Variants in EXOC6 observed in about 807,000 individuals in gnomAD.
EXOC6 encodes exocyst complex component 6, also known as SEC15-like 1.
EXOC6 carries 60 observed loss-of-function variants against 112.5 expected under a neutral mutation model. The ratio of observed to expected loss-of-function variants is 0.53; its 90% CI spans 0.43 to 0.66. The LOEUF is 0.66. EXOC6 is among the 30% of genes least tolerant of loss of function. The pLI is 0.00. For synonymous variants in EXOC6, 295 were observed against 308.0 expected (o/e 0.96, Z 0.44); for missense variants, 855 against 957.1 (o/e 0.89, Z 1.41).
intron 19 of EXOC6, among the ~76,000 whole-genome samples, chr10:93,000,266 AT>A (rs1156461447): frequency 1.3e-5 from 2 of 152,158 alleles, no homozygotes; most frequent in East Asian, 3.9e-4. Context: ...TTACTGTTTG[AT>A]TAGACAAGTT....
At chr10:92,957,070 G>A (rs1473894638) in intron 17 of EXOC6, among the ~76,000 whole-genome samples, 1 of 152,090 alleles carries the variant, frequency 6.6e-6, no homozygotes, top group African/African-American at 2.4e-5. Flanking sequence ...TAATAAGTAT[G>A]ATAATATAGG....
At chr10:92,969,924 C>T (rs531531699) in intron 17 of EXOC6, among the ~76,000 whole-genome samples, 37 of 152,246 alleles carry the variant, frequency 2.4e-4, no homozygotes, top group Admixed American at 2.4e-3. Flanking sequence ...GAACTTCTGA[C>T]GTCAGGTGAT....
At chr10:93,008,028 C>T (rs1844074985) in intron 19 of EXOC6, among the ~76,000 whole-genome samples, 1 of 152,022 alleles carries the variant, frequency 6.6e-6, no homozygotes, top group Admixed American at 6.6e-5. Context: ...ACAAAATTAG[C>T]AGGGCCTGGT....
At chr10:93,053,306 G>T (rs1846389941) in intron 20 of EXOC6, among the ~76,000 whole-genome samples, 2 of 152,180 alleles carry the variant, frequency 1.3e-5, no homozygotes, top group Non-Finnish European at 2.9e-5. Context: ...ATAAAATCTG[G>T]CCTGGCATAA....
At chr10:92,945,898 A>T (rs1388479334) in intron 13 of EXOC6, among the ~76,000 whole-genome samples, 1 of 152,196 alleles carries the variant, frequency 6.6e-6, no homozygotes, top group Non-Finnish European at 1.5e-5. Flanking sequence ...GTGAAAGTAA[A>T]TACCAAAAAA....
At position 92,975,730 on chromosome 10, in the gene EXOC6, C is replaced by T. The variant is rs547037303; in HGVS notation, c.1953+1498C>T. ...CCTCTGCCCGGCCAGCCGCCCCGTC[C>T]GGGAGGGAGGTCGGGGGGCCAGCCC... On this transcript the variant is annotated intron_variant, in intron 18 of 21. Coordinates refer to ENST00000260762, the MANE Select transcript of EXOC6 (RefSeq NM_019053.6). Among the ~76,000 whole-genome samples the T allele has an allele frequency of 7.3e-3, 936 of 128,178 alleles. 22 individuals are homozygous for T. Among genetic ancestry groups the T allele is most frequent in the African/African-American group, 0.027 (895 of 33,552 alleles). The allele number at this position is 128,178 out of a possible 152,430, so 84.1% of individuals were successfully genotyped here.
chr10:92,915,346 G>T (rs1241441290), intron 6 of EXOC6, among the ~76,000 whole-genome samples: 1 of 151,422 alleles, frequency 6.6e-6, no homozygotes, highest in Admixed American at 6.6e-5. Context: ...TTTGGGACCA[G>T]CCTGGGCAAC....
chr10:92,877,511 T>C (rs1209036502), intron 1 of EXOC6, among the ~76,000 whole-genome samples: 1 of 152,150 alleles, frequency 6.6e-6, no homozygotes, highest in Non-Finnish European at 1.5e-5. Context: ...CAAAATTGCT[T>C]TGTGGATTGC....
At chr10:92,974,031 T>C (rs769730009) in intron 17 of EXOC6, 22 bp from the exon 18 acceptor site, 12 of 1,544,506 alleles carry the variant, frequency 7.8e-6, no homozygotes, top group African/African-American at 7.0e-5. Context: ...CTTGTCTTTG[T>C]TGTTATTTTG....
chr10:93,036,327 A>G (rs1300383738), intron 20 of EXOC6, among the ~76,000 whole-genome samples: 1 of 152,172 alleles, frequency 6.6e-6, no homozygotes, highest in Non-Finnish European at 1.5e-5. Flanking sequence ...GAACATGTAT[A>G]CATGCAGATA....
intron 4 of EXOC6, among the ~76,000 whole-genome samples, chr10:92,898,450 G>A (rs34773007): frequency 0.15 from 22,421 of 150,188 alleles, 1,776 homozygotes; most frequent in Middle Eastern, 0.26. Flanking sequence ...AAAAAATCAC[G>A]GCATAAACAA....
In EXOC6 at chr10:92,928,957, A is replaced by G. The variant is rs80353469; in HGVS notation, c.972+535A>G. Among the ~76,000 whole-genome samples the G allele has an allele frequency of 2.9e-3, 445 of 152,370 alleles. 2 individuals are homozygous for G. The highest frequency in any genetic ancestry group is 0.01 in the African/African-American group (427 of 41,600). Reference sequence around the variant, plus strand: ...TATCTGACTATAAAACAATCAAAACAGGAAAACCCAAATGAAGGCAGAAAT... The same window carrying G: ...TATCTGACTATAAAACAATCAAAACGGGAAAACCCAAATGAAGGCAGAAAT... On this transcript the variant is annotated intron_variant, in intron 9 of 21. Transcript: ENST00000260762.
chr10:92,893,970 T>C (rs1382756134), intron 2 of EXOC6, among the ~76,000 whole-genome samples: 1 of 152,222 alleles, frequency 6.6e-6, no homozygotes, highest in Non-Finnish European at 1.5e-5. Context: ...AAAGTTGGTC[T>C]ACACTTTCTG....
At chr10:93,022,017 G>T (rs1448152492) in intron 20 of EXOC6, among the ~76,000 whole-genome samples, 4 of 152,108 alleles carry the variant, frequency 2.6e-5, no homozygotes, top group Non-Finnish European at 5.9e-5. Flanking sequence ...TTGGTTTAAT[G>T]GAGATTAAAA....
chr10:93,017,516 G>C (rs1223689009), intron 20 of EXOC6, among the ~76,000 whole-genome samples: 2 of 151,996 alleles, frequency 1.3e-5, no homozygotes, highest in African/African-American at 4.8e-5. Flanking sequence ...TTGAACCTGG[G>C]GAGATGGAGG....
At chr10:92,921,635 T>C (rs1004261306) in intron 8 of EXOC6, among the ~76,000 whole-genome samples, 3 of 151,608 alleles carry the variant, frequency 2.0e-5, no homozygotes, top group Non-Finnish European at 4.4e-5. Context: ...CTTTGTGCTA[T>C]TGTTTTCTTT....
chr10:92,876,431 C>G (rs565638963), intron 1 of EXOC6, among the ~76,000 whole-genome samples: 2 of 152,258 alleles, frequency 1.3e-5, no homozygotes, highest in South Asian at 4.1e-4. Flanking sequence ...AGGTCATTTG[C>G]CCCCTGCACT....
upstream of EXOC6, among the ~76,000 whole-genome samples, chr10:92,846,866 G>A (rs768965914): frequency 6.6e-6 from 1 of 152,192 alleles, no homozygotes; most frequent in Non-Finnish European, 1.5e-5. Flanking sequence ...TTAAATGGTT[G>A]GGTCCACTCT....
chr10:92,938,150 A>G (rs1852455456), intron 12 of EXOC6, among the ~76,000 whole-genome samples: 1 of 152,132 alleles, frequency 6.6e-6, no homozygotes, highest in African/African-American at 2.4e-5. Context: ...GGTACCAAGG[A>G]ATTCTCCAGA....
Sources: allele counts gnomAD v4.1 joint callset (sites outside exome capture counted in the v4.1 genomes callset), GRCh38; gene constraint gnomAD v4.1.1; transcripts MANE v1.5; gene names NCBI Gene and HGNC (gene_info 2026-07-23, HGNC 2026-07-21).